CSMD1: variants seen among roughly 807,000 people sequenced by gnomAD.
CSMD1 encodes CUB and Sushi multiple domains 1.
In CSMD1, 213 loss-of-function variants were observed where a neutral mutation model predicts 417.5. The ratio of observed to expected loss-of-function variants is 0.51; its 90% CI spans 0.46 to 0.57. CSMD1 has a LOEUF of 0.57. Ranked by LOEUF, CSMD1 falls within the 20% of genes least tolerant of loss-of-function variation. CSMD1 has a pLI of 0.00. For synonymous variants in CSMD1, 2,862 were observed against 1,736.8 expected (o/e 1.65, Z -16.11); for missense variants, 6,923 against 4,529.7 (o/e 1.53, Z -15.17).
intron 23 of CSMD1, among the ~76,000 whole-genome samples, chr8:3,313,275 G>T (rs114110965): frequency 2.0e-4 from 31 of 152,076 alleles, no homozygotes; most frequent in Admixed American, 9.2e-4. Flanking sequence ...AAATGGGATC[G>T]GATTAAACTA....
At chr8:2,973,894 A>ATGGTAGAGGATGG (rs1804686373) in intron 56 of CSMD1, among the ~76,000 whole-genome samples, 1 of 112,124 alleles carries the variant, frequency 8.9e-6, no homozygotes, top group African/African-American at 4.1e-5. Context: ...GTAGAGGATG[A>ATGGTAGAGGATGG]TGGTAGAGGA....
chr8:4,299,883 C>T (rs1405735789), intron 3 of CSMD1, among the ~76,000 whole-genome samples: 7 of 152,268 alleles, frequency 4.6e-5, no homozygotes, highest in African/African-American at 1.7e-4. Flanking sequence ...CCCACCTCAG[C>T]CTCCCAAACT....
chr8:3,329,351 C>T (rs1806741418), intron 23 of CSMD1, among the ~76,000 whole-genome samples: 1 of 151,998 alleles, frequency 6.6e-6, no homozygotes, highest in Non-Finnish European at 1.5e-5. Context: ...TGCAGCGTGA[C>T]AGAGCCCAGT....
chr8:4,620,069 CAAT>C (rs1801684718), intron 2 of CSMD1, among the ~76,000 whole-genome samples: 1 of 151,820 alleles, frequency 6.6e-6, no homozygotes. Flanking sequence ...TTTATTAACA[CAAT>C]AAATACTGCT....
chr8:4,322,495 C>T (rs1485897016), intron 3 of CSMD1, among the ~76,000 whole-genome samples: 1 of 152,008 alleles, frequency 6.6e-6, no homozygotes. Flanking sequence ...AAGCTGTATG[C>T]AGTTGTGGGT....
intron 3 of CSMD1, among the ~76,000 whole-genome samples, chr8:4,331,711 T>G (rs1314100031): frequency 6.6e-6 from 1 of 152,154 alleles, no homozygotes; most frequent in Non-Finnish European, 1.5e-5. Flanking sequence ...CTTGTTTTCC[T>G]AAAGGCTTCA....
intron 8 of CSMD1, among the ~76,000 whole-genome samples, chr8:3,598,813 T>C (rs560246806): frequency 6.6e-6 from 1 of 152,250 alleles, no homozygotes; most frequent in East Asian, 1.9e-4. Context: ...CCAGGTGCAG[T>C]GACTCACGCC....
intron 1 of CSMD1, among the ~76,000 whole-genome samples, chr8:4,822,897 G>A (rs963105496): frequency 3.9e-5 from 6 of 152,070 alleles, no homozygotes; most frequent in Non-Finnish European, 5.9e-5. Flanking sequence ...TGTGAGAAGT[G>A]CACTGTGTAC....
chr8:4,547,106 T>C (rs1797672465), intron 2 of CSMD1, among the ~76,000 whole-genome samples: 1 of 152,200 alleles, frequency 6.6e-6, no homozygotes, highest in African/African-American at 2.4e-5. Context: ...TAAAATTCAA[T>C]ATATGCATCC....
chr8:4,797,722 T>G (rs1299698256), intron 1 of CSMD1, among the ~76,000 whole-genome samples: 1 of 152,160 alleles, frequency 6.6e-6, no homozygotes, highest in East Asian at 1.9e-4. Flanking sequence ...CCTCCTTAAC[T>G]GGGATAGGTA....
At chr8:3,032,536 G>A (rs1810408403) in intron 50 of CSMD1, among the ~76,000 whole-genome samples, 1 of 151,960 alleles carries the variant, frequency 6.6e-6, no homozygotes, top group African/African-American at 2.4e-5. Flanking sequence ...TCTGATAACA[G>A]AACTGTGACT....
chr8:3,125,258 T>C (rs1350227415), intron 41 of CSMD1, among the ~76,000 whole-genome samples: 1 of 152,238 alleles, frequency 6.6e-6, no homozygotes, highest in African/African-American at 2.4e-5. Context: ...TCATAGTGCC[T>C]GTGCTGGCTT....
At chr8:3,202,954 T>C (rs1035939485) in intron 31 of CSMD1, among the ~76,000 whole-genome samples, 1 of 152,146 alleles carries the variant, frequency 6.6e-6, no homozygotes, top group Non-Finnish European at 1.5e-5. Context: ...GGAGAGGACT[T>C]AATAATTTCT....
At chr8:4,473,619 C>T (rs1800648928) in intron 2 of CSMD1, among the ~76,000 whole-genome samples, 1 of 152,250 alleles carries the variant, frequency 6.6e-6, no homozygotes, top group East Asian at 1.9e-4. Flanking sequence ...ATCACTTTAC[C>T]TAAACTTGGG....
At chr8:3,482,168 A>AG (rs1331290339) in intron 11 of CSMD1, among the ~76,000 whole-genome samples, 1 of 152,224 alleles carries the variant, frequency 6.6e-6, no homozygotes, top group Non-Finnish European at 1.5e-5. Context: ...TGCCAGACAA[A>AG]GCACTAAACA....
intron 1 of CSMD1, among the ~76,000 whole-genome samples, chr8:4,663,226 C>A (rs1386396691): frequency 6.6e-6 from 1 of 152,100 alleles, no homozygotes; most frequent in African/African-American, 2.4e-5. Flanking sequence ...TATCCCAGCC[C>A]GATTTTTACT....
chr8:3,773,887 C>A (rs1403716407), intron 5 of CSMD1, among the ~76,000 whole-genome samples: 2 of 152,150 alleles, frequency 1.3e-5, no homozygotes, highest in Non-Finnish European at 2.9e-5. Flanking sequence ...GAGGAAAATG[C>A]AAACCAATAA....
At chr8:3,634,643 G>C (rs934557035) in intron 7 of CSMD1, among the ~76,000 whole-genome samples, 3 of 152,092 alleles carry the variant, frequency 2.0e-5, no homozygotes, top group Non-Finnish European at 4.4e-5. Context: ...TAACTCGAGA[G>C]TGGTACTGGG....
At chr8:3,464,808 A>T (rs1300996560) in intron 12 of CSMD1, among the ~76,000 whole-genome samples, 1 of 152,052 alleles carries the variant, frequency 6.6e-6, no homozygotes, top group Non-Finnish European at 1.5e-5. Flanking sequence ...GATTATTTTT[A>T]ATTCAGTATT....
Sources: allele counts gnomAD v4.1 joint callset (sites outside exome capture counted in the v4.1 genomes callset), GRCh38; gene constraint gnomAD v4.1.1; transcripts MANE v1.5; gene names NCBI Gene and HGNC (gene_info 2026-07-23, HGNC 2026-07-21).